Variants in AUTS2 observed in about 807,000 individuals in gnomAD.
AUTS2 encodes the protein activator of transcription and developmental regulator AUTS2.
In AUTS2, 17 loss-of-function variants were observed where a neutral mutation model predicts 112.4. The observed-to-expected ratio is 0.15, with a 90% CI of 0.10 to 0.23. AUTS2 has a LOEUF of 0.23. AUTS2 is among the 10% of genes least tolerant of loss of function. AUTS2 has a pLI of 1.00. For missense variants in AUTS2, 1,510 were observed against 1,701.6 expected, an observed-to-expected ratio of 0.89 and a Z score of 1.98; for synonymous variants, 751 against 702.7, an observed-to-expected ratio of 1.07 and a Z score of -1.09.
chr7:70,502,837 G>A (rs1798819933), intron 5 of AUTS2, among the ~76,000 whole-genome samples: 1 of 152,200 alleles, frequency 6.6e-6, no homozygotes. Context: ...TACAGGTGAA[G>A]ACTTCAGGAA....
At chr7:70,440,755 G>A (rs929944141) in intron 5 of AUTS2, among the ~76,000 whole-genome samples, 7 of 152,208 alleles carry the variant, frequency 4.6e-5, no homozygotes, top group African/African-American at 1.7e-4. Context: ...CCAAGAGCAC[G>A]TGTACTGTCC....
At chr7:70,009,992 A>G (rs1479441942) in intron 2 of AUTS2, among the ~76,000 whole-genome samples, 1 of 152,222 alleles carries the variant, frequency 6.6e-6, no homozygotes. Flanking sequence ...TTTTAAACAG[A>G]TAAGTACTAT....
chr7:70,083,610 G>T (rs1271685765), intron 2 of AUTS2, among the ~76,000 whole-genome samples: 1 of 152,088 alleles, frequency 6.6e-6, no homozygotes, highest in African/African-American at 2.4e-5. Context: ...TATACAACTT[G>T]ATAAGTTTTG....
intron 4 of AUTS2, among the ~76,000 whole-genome samples, chr7:70,149,495 T>C (rs1807310618): frequency 6.6e-6 from 1 of 152,080 alleles, no homozygotes; most frequent in African/African-American, 2.4e-5. Flanking sequence ...AACTGGGGGA[T>C]AGTTACGATC....
intron 2 of AUTS2, among the ~76,000 whole-genome samples, chr7:70,000,586 A>G (rs1799146568): frequency 2.0e-5 from 3 of 152,204 alleles, no homozygotes; most frequent in African/African-American, 2.4e-5. Context: ...ATTGTTTGGA[A>G]TGAAGAGGTA....
intron 2 of AUTS2, among the ~76,000 whole-genome samples, chr7:69,928,632 T>C (rs984584300): frequency 1.3e-5 from 2 of 152,088 alleles, no homozygotes; most frequent in South Asian, 4.2e-4. Flanking sequence ...TGGCCACAAC[T>C]TTGCTCCATG....
At chr7:70,190,634 G>C (rs1809831819) in intron 4 of AUTS2, among the ~76,000 whole-genome samples, 1 of 152,132 alleles carries the variant, frequency 6.6e-6, no homozygotes, top group African/African-American at 2.4e-5. Context: ...GGTCTCTTTG[G>C]AGTTGATTAC....
At chr7:70,113,798 T>A (rs1805213335) in intron 2 of AUTS2, among the ~76,000 whole-genome samples, 1 of 152,164 alleles carries the variant, frequency 6.6e-6, no homozygotes, top group South Asian at 2.1e-4. Flanking sequence ...ACTCTCCATA[T>A]CCAAGCTGAA....
chr7:70,434,840 T>G (rs1194588392), intron 4 of AUTS2, among the ~76,000 whole-genome samples: 1 of 152,254 alleles, frequency 6.6e-6, no homozygotes, highest in Admixed American at 6.5e-5. Context: ...GGCTGTTGAC[T>G]GAATGAATAG....
At chr7:70,351,324 G>A (rs1015566005) in intron 4 of AUTS2, among the ~76,000 whole-genome samples, 3 of 152,160 alleles carry the variant, frequency 2.0e-5, no homozygotes, top group African/African-American at 7.2e-5. Context: ...AAAGTGTCTG[G>A]ATTATAGGCG....
At chr7:70,250,548 C>T (rs553766033) in intron 4 of AUTS2, among the ~76,000 whole-genome samples, 1 of 152,312 alleles carries the variant, frequency 6.6e-6, no homozygotes, top group South Asian at 2.1e-4. Context: ...AATTCACTAA[C>T]ATCTCTCTTG....
chr7:70,026,270 T>C (rs1451846387), intron 2 of AUTS2, among the ~76,000 whole-genome samples: 3 of 152,182 alleles, frequency 2.0e-5, no homozygotes, highest in East Asian at 1.9e-4. Flanking sequence ...ACCTTCTTTG[T>C]AGCTCCCAGC....
chr7:70,261,405 T>C (rs1787163029), intron 4 of AUTS2, among the ~76,000 whole-genome samples: 1 of 152,190 alleles, frequency 6.6e-6, no homozygotes, highest in Admixed American at 6.5e-5. Context: ...TGGTGGCAGT[T>C]ATATAGATAC....
At chr7:70,065,225 A>AT (rs1457067095) in intron 2 of AUTS2, among the ~76,000 whole-genome samples, 1 of 151,968 alleles carries the variant, frequency 6.6e-6, no homozygotes, top group Non-Finnish European at 1.5e-5. Flanking sequence ...ATATTAGATT[A>AT]TTTTTTCTTT....
chr7:69,841,704 A>T (rs895351762), intron 1 of AUTS2, among the ~76,000 whole-genome samples: 1 of 152,206 alleles, frequency 6.6e-6, no homozygotes, highest in Non-Finnish European at 1.5e-5. Flanking sequence ...GACTAAGGGA[A>T]CATAACAGTC....
chr7:69,768,937 G>A (rs1788544659), intron 1 of AUTS2, among the ~76,000 whole-genome samples: 1 of 152,188 alleles, frequency 6.6e-6, no homozygotes, highest in South Asian at 2.1e-4. Flanking sequence ...GGGCCTTGGG[G>A]TGTCCAAACC....
chr7:70,054,643 G>A (rs1240827168), intron 2 of AUTS2, among the ~76,000 whole-genome samples: 5 of 152,222 alleles, frequency 3.3e-5, no homozygotes, highest in South Asian at 2.1e-4. Flanking sequence ...CTGAGATCAC[G>A]GCTTCTTTTT....
intron 2 of AUTS2, among the ~76,000 whole-genome samples, chr7:70,018,810 G>A (rs1800144652): frequency 6.6e-6 from 1 of 152,122 alleles, no homozygotes; most frequent in Admixed American, 6.5e-5. Context: ...TACAATGTTG[G>A]TAGGAATGTA....
chr7:70,182,783 TA>T (rs904897123), intron 4 of AUTS2, among the ~76,000 whole-genome samples: 277 of 132,560 alleles, frequency 2.1e-3, no homozygotes, highest in South Asian at 2.7e-3. Context: ...AGATTCTTCA[TA>T]AAAAAAAAAA....
Sources: gnomAD v4.1 joint callset for allele counts (sites outside exome capture counted in the v4.1 genomes callset) on GRCh38, gnomAD v4.1.1 for gene constraint, MANE v1.5 for transcripts, NCBI Gene and HGNC (gene_info 2026-07-23, HGNC 2026-07-21) for gene names.